The following PDE4D variants were observed in gnomAD, a reference collection of about 807,000 sequenced individuals.
PDE4D encodes 3',5'-cyclic-AMP phosphodiesterase 4D.
Under a neutral mutation model 87.4 loss-of-function variants are expected in PDE4D, and 24 were observed. The ratio of observed to expected loss-of-function variants is 0.27; its 90% CI spans 0.20 to 0.39. The LOEUF (loss-of-function observed/expected upper bound fraction) is 0.39. PDE4D is among the 10% of genes least tolerant of loss of function. The pLI is 1.00. For missense variants in PDE4D, 714 were observed against 1,041.0 expected (o/e 0.69, Z 4.32); for synonymous variants, 384 against 383.2 (o/e 1.00, Z -0.02).
chr5:59,137,933 A>G (rs1223680198), intron 5 of PDE4D, among the ~76,000 whole-genome samples: 1 of 152,258 alleles, frequency 6.6e-6, no homozygotes, highest in Non-Finnish European at 1.5e-5. Flanking sequence ...GTGACTCAGA[A>G]TACTCTGCTG....
intron 6 of PDE4D, among the ~76,000 whole-genome samples, chr5:58,998,301 G>C (rs532621938): frequency 2.0e-5 from 3 of 151,984 alleles, no homozygotes; most frequent in Non-Finnish European, 4.4e-5. Flanking sequence ...AGTACAAATG[G>C]TTCATAATCA....
At chr5:59,121,465 T>G (rs1040447566) in intron 5 of PDE4D, among the ~76,000 whole-genome samples, 10 of 151,624 alleles carry the variant, frequency 6.6e-5, no homozygotes, top group African/African-American at 2.4e-4. Context: ...TCACTAATAA[T>G]CAAGGAAATG....
At chr5:59,695,607 C>T (rs1418103669) in intron 1 of PDE4D, among the ~76,000 whole-genome samples, 1 of 151,884 alleles carries the variant, frequency 6.6e-6, no homozygotes, top group Non-Finnish European at 1.5e-5. Flanking sequence ...TGATTTTATT[C>T]TATTTTTTTT....
chr5:60,320,886 C>G (rs1756189300), intron 1 of PDE4D, among the ~76,000 whole-genome samples: 1 of 152,076 alleles, frequency 6.6e-6, no homozygotes, highest in South Asian at 2.1e-4. Flanking sequence ...CAAAACAATG[C>G]TCAAAGAAAT....
intron 1 of PDE4D, among the ~76,000 whole-genome samples, chr5:59,292,674 G>A (rs1323232132): frequency 2.0e-5 from 3 of 152,054 alleles, no homozygotes; most frequent in African/African-American, 7.2e-5. Context: ...ATAATCTTAT[G>A]CTTTGAACAT....
At chr5:59,015,886 A>G (rs956177994) in intron 6 of PDE4D, among the ~76,000 whole-genome samples, 6 of 152,240 alleles carry the variant, frequency 3.9e-5, no homozygotes, top group Non-Finnish European at 8.8e-5. Context: ...AATGTCCACC[A>G]ATGATAGACT....
intron 1 of PDE4D, among the ~76,000 whole-genome samples, chr5:59,544,236 G>A (rs527428325): frequency 1.3e-5 from 2 of 152,194 alleles, no homozygotes; most frequent in Non-Finnish European, 2.9e-5. Context: ...AAGGAACTCA[G>A]GGATTGAATT....
At chr5:59,350,802 A>G (rs1780412412) in intron 1 of PDE4D, among the ~76,000 whole-genome samples, 1 of 152,186 alleles carries the variant, frequency 6.6e-6, no homozygotes, top group African/African-American at 2.4e-5. Flanking sequence ...ACTGAGGCAC[A>G]TGAAGTAACT....
chr5:60,100,459 G>A (rs914555347), intron 2 of PDE4D, among the ~76,000 whole-genome samples: 4 of 151,968 alleles, frequency 2.6e-5, no homozygotes, highest in African/African-American at 9.7e-5. Context: ...GGAAGGAGGG[G>A]AAGAGAGGAA....
rs180951622 is a variant in PDE4D at position 60,321,236 on chromosome 5, T to C, written c.-89-135549A>G. 3.3e-5 allele frequency among the ~76,000 whole-genome samples: 5 copies of C among 152,156 alleles called. No homozygotes were observed. In the East Asian group the frequency reaches 9.7e-4, roughly 29 times the overall value. On this transcript the variant is annotated intron_variant, in intron 1 of 16. Coordinates refer to the PDE4D transcript ENST00000502484. ...TGGAACAGACTAGAGAGCCCAGAAA[T>C]AATACCACCCACGTAAAATCATCTG...
At chr5:59,193,577 ACT>A (rs767229814) in intron 2 of PDE4D, 41 bp from the exon 3 acceptor site, 1 of 1,609,048 alleles carries the variant, frequency 6.2e-7, no homozygotes, top group African/African-American at 1.3e-5. Context: ...ATCATCAATA[ACT>A]CTGTGCTCAG....
chr5:60,483,039 T>C (rs1025085943), intron 1 of PDE4D, among the ~76,000 whole-genome samples: 1 of 152,222 alleles, frequency 6.6e-6, no homozygotes, highest in African/African-American at 2.4e-5. Flanking sequence ...TTCTACTGTA[T>C]ATGAAACTTA....
chr5:59,589,958 T>C (rs1205045300), intron 1 of PDE4D, among the ~76,000 whole-genome samples: 1 of 152,118 alleles, frequency 6.6e-6, no homozygotes, highest in African/African-American at 2.4e-5. Context: ...GAAACTATGA[T>C]AAATAACAGA....
chr5:59,809,819 T>G (rs748585032), intron 1 of PDE4D, among the ~76,000 whole-genome samples: 3 of 152,146 alleles, frequency 2.0e-5, no homozygotes. Context: ...AGATTCAGAG[T>G]CAGAGGACCA....
chr5:60,082,102 C>T (rs1198942458), intron 2 of PDE4D, among the ~76,000 whole-genome samples: 1 of 152,194 alleles, frequency 6.6e-6, no homozygotes, highest in African/African-American at 2.4e-5. Context: ...CATTTCCTCT[C>T]ATCTTCCTCA....
At chr5:59,033,871 ATAAT>A (rs1758037207) in intron 6 of PDE4D, among the ~76,000 whole-genome samples, 2 of 152,210 alleles carry the variant, frequency 1.3e-5, no homozygotes, top group African/African-American at 4.8e-5. Context: ...AATTTATTGA[ATAAT>A]TAAAAATTAG....
At chr5:60,111,040 A>C (rs1322993245) in intron 2 of PDE4D, among the ~76,000 whole-genome samples, 1 of 152,002 alleles carries the variant, frequency 6.6e-6, no homozygotes, top group East Asian at 1.9e-4. Context: ...GGAGTTGGTT[A>C]ACAGATATAA....
intron 5 of PDE4D, among the ~76,000 whole-genome samples, chr5:59,046,781 A>C (rs1049835217): frequency 1.7e-4 from 26 of 152,220 alleles, no homozygotes; most frequent in Admixed American, 1.7e-3. Flanking sequence ...AAAGAGGAGA[A>C]AGCTTTTATA....
At chr5:60,043,543 A>C (rs1414171484) in intron 2 of PDE4D, among the ~76,000 whole-genome samples, 1 of 152,214 alleles carries the variant, frequency 6.6e-6, no homozygotes, top group Non-Finnish European at 1.5e-5. Context: ...GGACAGCCAG[A>C]GAGAAAGCTC....
Sources: allele counts gnomAD v4.1 joint callset (sites outside exome capture counted in the v4.1 genomes callset), GRCh38; gene constraint gnomAD v4.1.1; transcripts MANE v1.5; gene names NCBI Gene and HGNC (gene_info 2026-07-23, HGNC 2026-07-21).